The following DPYSL3 variants were observed in gnomAD, a reference collection of about 807,000 sequenced individuals.
DPYSL3 encodes the protein dihydropyrimidinase-related protein 3.
In DPYSL3, 16 loss-of-function variants were observed where a neutral mutation model predicts 66.1. The observed-to-expected ratio is 0.24, with a 90% CI of 0.16 to 0.37. The LOEUF (loss-of-function observed/expected upper bound fraction) is 0.37, where lower values mean the gene tolerates loss of function less well. DPYSL3 is among the 10% of genes least tolerant of loss of function. The pLI is 1.00. For synonymous variants in DPYSL3, 338 were observed against 345.1 expected (o/e 0.98, Z 0.23); for missense variants, 738 against 916.2 (o/e 0.81, Z 2.51).
Position 147,399,296 on chromosome 5 carries a change from T to C in DPYSL3, c.1453-44A>G, listed in dbSNP as rs548616753. 4 of 1,585,220 alleles carry C rather than the reference T, an allele frequency of 2.5e-6. No individual in the cohort carries two copies. The African/African-American group carries it at 5.4e-5, about 21-fold the overall frequency. ...TTATATCTATATCTATAGCTACATA[T>C]ATATCAATTCAGGGCTTCTGAACTC... On this transcript the variant is annotated intron_variant, in intron 10 of 13. Coordinates refer to ENST00000343218, the MANE Select transcript of DPYSL3 (RefSeq NM_001197294.2).
chr5:147,500,408 G>A (rs2126458398), intron 1 of DPYSL3, among the ~76,000 whole-genome samples: 1 of 152,232 alleles, frequency 6.6e-6, no homozygotes, highest in African/African-American at 2.4e-5. Context: ...GAGGTTAGGA[G>A]TTTGAGACCA....
chr5:147,502,659 T>C (rs1256328876), intron 1 of DPYSL3, among the ~76,000 whole-genome samples: 2 of 142,918 alleles, frequency 1.4e-5, no homozygotes, highest in African/African-American at 2.6e-5. Context: ...TCACTGCAAC[T>C]TCCGCCTCCC....
intron 1 of DPYSL3, among the ~76,000 whole-genome samples, chr5:147,482,214 A>G (rs537138583): frequency 7.2e-5 from 11 of 152,336 alleles, no homozygotes; most frequent in African/African-American, 2.6e-4. Context: ...GGACTTAGTA[A>G]TTACACGATA....
intron 1 of DPYSL3, among the ~76,000 whole-genome samples, chr5:147,429,716 A>G (rs1299607372): frequency 1.3e-5 from 2 of 152,122 alleles, no homozygotes; most frequent in Admixed American, 1.3e-4. Context: ...CTCCTGGCAC[A>G]TCACTGATTT....
intron 1 of DPYSL3, among the ~76,000 whole-genome samples, chr5:147,477,573 T>C (rs1753173065): frequency 8.5e-6 from 1 of 118,110 alleles, no homozygotes; most frequent in African/African-American, 3.5e-5. Context: ...TTTTTTTTTT[T>C]TTTTTTTTTT....
At chr5:147,475,742 G>T (rs1459563550) in intron 1 of DPYSL3, among the ~76,000 whole-genome samples, 1 of 151,996 alleles carries the variant, frequency 6.6e-6, no homozygotes, top group Non-Finnish European at 1.5e-5. Flanking sequence ...TCATTTAAAG[G>T]GTTGTCTTAA....
chr5:147,497,796 C>T (rs907616206), intron 1 of DPYSL3, among the ~76,000 whole-genome samples: 1 of 151,954 alleles, frequency 6.6e-6, no homozygotes, highest in East Asian at 1.9e-4. Flanking sequence ...CAGCTAACAT[C>T]ATATTTAATG....
chr5:147,415,945 T>A (rs1265020706), intron 3 of DPYSL3, 72 bp from the exon 4 acceptor site: 11 of 1,526,436 alleles, frequency 7.2e-6, no homozygotes, highest in Non-Finnish European at 9.7e-6. Flanking sequence ...GGCCTGCTCC[T>A]GCTTGCTTAG....
chr5:147,500,337 G>C (rs901857524), intron 1 of DPYSL3, among the ~76,000 whole-genome samples: 1 of 152,168 alleles, frequency 6.6e-6, no homozygotes, highest in African/African-American at 2.4e-5. Flanking sequence ...ATAACGGCCA[G>C]GTGCGGTGGC....
intron 1 of DPYSL3, among the ~76,000 whole-genome samples, chr5:147,485,255 G>A (rs1358808740): frequency 1.3e-5 from 2 of 152,152 alleles, no homozygotes; most frequent in Non-Finnish European, 2.9e-5. Flanking sequence ...GGCTGAGAGC[G>A]TGAGTTTGGA....
intron 1 of DPYSL3, among the ~76,000 whole-genome samples, chr5:147,490,698 T>G (rs1753402170): frequency 6.6e-6 from 1 of 151,950 alleles, no homozygotes; most frequent in African/African-American, 2.4e-5. Flanking sequence ...CCCCCAAAAC[T>G]GGGTAGACAG....
At chr5:147,455,297 A>G (rs1209959106) in intron 1 of DPYSL3, among the ~76,000 whole-genome samples, 1 of 152,200 alleles carries the variant, frequency 6.6e-6, no homozygotes, top group Admixed American at 6.5e-5. Flanking sequence ...CTCCCTCTCA[A>G]GTGAGTTAAT....
chr5:147,442,830 A>G (rs1752558815), intron 1 of DPYSL3, among the ~76,000 whole-genome samples: 1 of 131,540 alleles, frequency 7.6e-6, no homozygotes, highest in East Asian at 2.2e-4. Flanking sequence ...ATTTTAATAA[A>G]TGGCAAATAT....
intron 1 of DPYSL3, among the ~76,000 whole-genome samples, chr5:147,426,402 T>C (rs1167703942): frequency 6.6e-6 from 1 of 152,098 alleles, no homozygotes; most frequent in East Asian, 1.9e-4. Flanking sequence ...AGGCTACTCA[T>C]GCTGGGTTTG....
intron 1 of DPYSL3, among the ~76,000 whole-genome samples, chr5:147,501,084 AG>A (rs541117355): frequency 6.7e-6 from 1 of 149,518 alleles, no homozygotes; most frequent in Non-Finnish European, 1.5e-5. Flanking sequence ...ATCCTTCAGT[AG>A]GTAAGTGAAT....
chr5:147,408,162 C>T (rs890739626), intron 7 of DPYSL3, among the ~76,000 whole-genome samples: 3 of 152,138 alleles, frequency 2.0e-5, no homozygotes, highest in African/African-American at 4.8e-5. Flanking sequence ...GGTACATGGG[C>T]AGCCAATTCC....
At position 147,425,352 on chromosome 5, in the gene DPYSL3, A is replaced by G. The variant is rs17106723; in HGVS notation, c.382-389T>C. ...CTCTCTAGTACTCTGTTGACACTCA[A>G]TGGTGATTCTCAAAAATAGAACTTA... On this transcript the variant is annotated intron_variant, in intron 1 of 13. Transcript: ENST00000343218. 0.011 allele frequency among the ~76,000 whole-genome samples: 1,672 copies of G among 152,296 alleles called. 68 individuals carry two copies. In the East Asian group the frequency reaches 0.15, roughly 13 times the overall value.
chr5:147,431,356 C>G (rs1752311649), intron 1 of DPYSL3, among the ~76,000 whole-genome samples: 1 of 152,106 alleles, frequency 6.6e-6, no homozygotes, highest in South Asian at 2.1e-4. Flanking sequence ...AGCTTGACTT[C>G]TAGCACCAAC....
intron 1 of DPYSL3, among the ~76,000 whole-genome samples, chr5:147,492,763 A>G (rs928894397): frequency 2.6e-5 from 4 of 152,198 alleles, no homozygotes; most frequent in African/African-American, 9.6e-5. Context: ...ATAGAAGACA[A>G]AAGTAGGAAC....
Sources: allele counts gnomAD v4.1 joint callset (sites outside exome capture counted in the v4.1 genomes callset), GRCh38; gene constraint gnomAD v4.1.1; transcripts MANE v1.5; gene names NCBI Gene and HGNC (gene_info 2026-07-23, HGNC 2026-07-21).